The following LRRN1 variants were observed in gnomAD, a reference collection of about 807,000 sequenced individuals.
LRRN1 encodes the protein leucine rich repeat neuronal 1, also known as leucine-rich repeat neuronal protein 1.
A neutral mutation model predicts 45.8 loss-of-function variants in LRRN1; 14 were observed. The ratio of observed to expected loss-of-function variants is 0.31; its 90% CI spans 0.20 to 0.48. The LOEUF is 0.48. LRRN1 is among the 20% of genes least tolerant of loss of function. LRRN1 has a pLI of 0.99. For missense variants in LRRN1, 789 were observed against 874.2 expected, an observed-to-expected ratio of 0.90 and a Z score of 1.23; for synonymous variants, 359 against 330.1, an observed-to-expected ratio of 1.09 and a Z score of -0.95.
At chr3:3,817,998 C>A (rs1383110932) in intron 1 of LRRN1, among the ~76,000 whole-genome samples, 1 of 152,198 alleles carries the variant, frequency 6.6e-6, no homozygotes, top group Non-Finnish European at 1.5e-5. Flanking sequence ...TACATGTTGG[C>A]ACTTTCAGTG....
At chr3:3,829,240 T>A (rs1332994721) in intron 1 of LRRN1, among the ~76,000 whole-genome samples, 1 of 152,098 alleles carries the variant, frequency 6.6e-6, no homozygotes. Flanking sequence ...AAACTGTAAC[T>A]CCCTTCTTAG....
At chr3:3,828,656 A>G (rs146318386) in intron 1 of LRRN1, among the ~76,000 whole-genome samples, 58 of 152,256 alleles carry the variant, frequency 3.8e-4, no homozygotes, top group African/African-American at 7.5e-4. Flanking sequence ...TAACATAACT[A>G]TCCTTCCCAC....
intron 1 of LRRN1, among the ~76,000 whole-genome samples, chr3:3,819,817 T>C (rs1693066193): frequency 6.6e-6 from 1 of 152,230 alleles, no homozygotes; most frequent in Non-Finnish European, 1.5e-5. Flanking sequence ...ACCCAGATCA[T>C]GGGATACACT....
At chr3:3,835,444 G>T (rs536739045) in intron 1 of LRRN1, among the ~76,000 whole-genome samples, 77 of 152,240 alleles carry the variant, frequency 5.1e-4, no homozygotes, top group African/African-American at 1.6e-3. Flanking sequence ...TCAAAAAATT[G>T]TAAGTTGAAC....
intron 1 of LRRN1, among the ~76,000 whole-genome samples, chr3:3,812,971 C>CT (rs1692910719): frequency 6.6e-6 from 1 of 152,160 alleles, no homozygotes; most frequent in Non-Finnish European, 1.5e-5. Flanking sequence ...CTGTACTACA[C>CT]TTTCCTTTCA....
intron 1 of LRRN1, among the ~76,000 whole-genome samples, chr3:3,803,194 C>T (rs1026970049): frequency 1.3e-5 from 2 of 152,164 alleles, no homozygotes; most frequent in Non-Finnish European, 2.9e-5. Flanking sequence ...AGAGCCATTA[C>T]CACATATTCT....
intron 1 of LRRN1, among the ~76,000 whole-genome samples, 187 bp from the exon 2 acceptor site, chr3:3,844,177 G>A (rs1213563351): frequency 1.3e-5 from 2 of 152,180 alleles, no homozygotes; most frequent in Non-Finnish European, 2.9e-5. Flanking sequence ...ACTAGTTTTA[G>A]TATAGTAAGT....
In LRRN1 at chr3:3,846,034, A is replaced by C. The variant is rs1273584365; in HGVS notation, c.1393A>C (p.Asn465His). 1 of 1,614,098 alleles carries C rather than the reference A, an allele frequency of 6.2e-7. No individual in the cohort carries two copies. Among genetic ancestry groups the C allele is most frequent in the East Asian group, 2.2e-5 (1 of 44,868 alleles). ...AATTTACTGGGTCACTCCCATTGGAAATAAGATAACTGTGGAAACCCTTTC... is the reference window on the plus strand; with the variant it reads ...AATTTACTGGGTCACTCCCATTGGACATAAGATAACTGTGGAAACCCTTTC... ...PEIYWVTPIG[N>H]KITVETLSDK... The change falls in exon 2 of 2, where the codon AAT becomes CAT. Residue 465 changes from asparagine (N) to histidine (H), a missense_variant. Asn to His is a moderately conservative substitution (Grantham distance 68, BLOSUM62 1). Transcript: ENST00000319331. The surrounding 1 kb of genome is among the most constrained non-coding windows in gnomAD (Gnocchi z 5.7).
chr3:3,806,976 G>C (rs982253466), intron 1 of LRRN1, among the ~76,000 whole-genome samples: 1 of 152,200 alleles, frequency 6.6e-6, no homozygotes, highest in African/African-American at 2.4e-5. Context: ...GTCTCTCTCA[G>C]ACCTAGTGTC....
chr3:3,823,322 G>T lies in LRRN1; in HGVS notation c.-278-21042G>T, dbSNP rs570258072. Among the ~76,000 whole-genome samples the T allele has an allele frequency of 3.3e-5, 5 of 151,984 alleles. No individual in the cohort carries two copies. The East Asian group carries it at 9.7e-4, about 29-fold the overall frequency. ...CTTTCTAGATGTGTACCTTGAGCAG[G>T]TATATCTCTATGCATCTATTTCCTC... On this transcript the variant is annotated intron_variant, in intron 1 of 1. Coordinates refer to ENST00000319331, the MANE Select transcript of LRRN1 (RefSeq NM_020873.7).
chr3:3,824,589 C>G (rs1693175962), intron 1 of LRRN1, among the ~76,000 whole-genome samples: 1 of 152,148 alleles, frequency 6.6e-6, no homozygotes, highest in South Asian at 2.1e-4. Context: ...GCTATCTGTA[C>G]AACCCCCAAC....
At chr3:3,812,054 T>G (rs1439297223) in intron 1 of LRRN1, among the ~76,000 whole-genome samples, 5 of 152,210 alleles carry the variant, frequency 3.3e-5, no homozygotes, top group African/African-American at 1.2e-4. Context: ...GGGAAAGCAC[T>G]TGGTACAATT....
In LRRN1 at chr3:3,846,958, A is replaced by T; in HGVS notation, c.*166A>T. 11 of 533,580 alleles carry T rather than the reference A, an allele frequency of 2.1e-5. No homozygotes were observed. The highest frequency in any genetic ancestry group is 3.9e-5 in the African/African-American group (2 of 51,798). 33.1% of individuals were successfully genotyped at this position (533,580 alleles called of 1,614,324 possible). On this transcript the variant is annotated 3_prime_UTR_variant, in exon 2 of 2. Transcript: ENST00000319331. This position sits in a 1 kb window ranked among gnomAD's most constrained non-coding sequence, Gnocchi z 5.7. ...AATTTTTTTAGTATAGCGTATCGCAAGGGTTTGACACGGCTGCCAGCGACT... is the reference window on the plus strand; with the variant it reads ...AATTTTTTTAGTATAGCGTATCGCATGGGTTTGACACGGCTGCCAGCGACT...
rs751817705 is a variant in LRRN1, at chr3:3,845,373, G to C, written c.732G>C (p.Leu244=). The C allele has an allele frequency of 1.1e-5, 17 of 1,613,932 alleles. No homozygotes were observed. The highest frequency in any genetic ancestry group is 1.4e-5 in the Non-Finnish European group (16 of 1,180,000). Residue 244 remains leucine (L), a synonymous_variant, in exon 2 of 2, where the codon CTG becomes CTC. Coordinates refer to ENST00000319331, the MANE Select transcript of LRRN1 (RefSeq NM_020873.7). The surrounding 1 kb of genome is among the most constrained non-coding windows in gnomAD (Gnocchi z 6.5). ...TGGGTCTGGATAGCCTTGAGAGCCT[G>C]TCTTTTTATGATAACAAACTGGTTA... ...ALVGLDSLES[L]SFYDNKLVKV... is the part of the protein sequence containing the mutation.
intron 1 of LRRN1, among the ~76,000 whole-genome samples, chr3:3,829,078 T>C (rs1353854863): frequency 2.0e-5 from 3 of 152,056 alleles, no homozygotes; most frequent in Non-Finnish European, 4.4e-5. Flanking sequence ...GATTGGGCTG[T>C]TGTAGTTTTC....
intron 1 of LRRN1, among the ~76,000 whole-genome samples, chr3:3,837,334 C>T (rs1280631030): frequency 1.8e-4 from 1 of 5,526 alleles, no homozygotes; most frequent in Non-Finnish European, 7.9e-4. Context: ...TTACTCCTTC[C>T]CCCCCCCATT....
rs528436261 is a variant in LRRN1, at chr3:3,826,685, T to A, written c.-278-17679T>A. On this transcript the variant is annotated intron_variant, in intron 1 of 1. Coordinates refer to ENST00000319331, the MANE Select transcript of LRRN1 (RefSeq NM_020873.7). ...ATCACTTAACACACACTACAGAGTG[T>A]TGGCTTTGGATAATGTGTGAACCAG... 2.0e-5 allele frequency among the ~76,000 whole-genome samples: 3 copies of A among 152,210 alleles called. No homozygotes were observed. In the South Asian group the frequency reaches 6.2e-4, roughly 32 times the overall value.
chr3:3,807,849 G>A (rs1212950586), intron 1 of LRRN1, among the ~76,000 whole-genome samples: 3 of 152,116 alleles, frequency 2.0e-5, no homozygotes, highest in African/African-American at 7.2e-5. Context: ...GTGCAGTGAG[G>A]ACTACATGTA....
intron 1 of LRRN1, among the ~76,000 whole-genome samples, chr3:3,837,724 T>G (rs1211455373): frequency 1.3e-5 from 2 of 151,666 alleles, no homozygotes; most frequent in African/African-American, 4.8e-5. Flanking sequence ...TTTTAATTAA[T>G]TTTAATTTTT....
Sources: allele counts gnomAD v4.1 joint callset (sites outside exome capture counted in the v4.1 genomes callset), GRCh38; gene constraint gnomAD v4.1.1; non-coding constraint Gnocchi (gnomAD v3.1); transcripts MANE v1.5; gene names NCBI Gene and HGNC (gene_info 2026-07-23, HGNC 2026-07-21).